Variants in INCA1 observed in about 807,000 individuals in gnomAD.
INCA1 encodes inhibitor of CDK, cyclin A1 interacting protein 1.
In INCA1, 28 loss-of-function variants were observed where a neutral mutation model predicts 25.7. The ratio of observed to expected loss-of-function variants is 1.09; its 90% CI spans 0.81 to 1.49. INCA1 has a LOEUF of 1.49. Among genes scored for constraint, INCA1 ranks in the 40% most tolerant of loss-of-function variants. INCA1 has a pLI of 0.00. For synonymous variants in INCA1, 111 were observed against 103.6 expected, an observed-to-expected ratio of 1.07 and a Z score of -0.43; for missense variants, 309 against 290.9, an observed-to-expected ratio of 1.06 and a Z score of -0.45.
At chr17:4,989,808 G>T (rs1018943902) in intron 4 of INCA1, 82 bp downstream of exon 4, 3 of 1,596,900 alleles carry the variant, frequency 1.9e-6, no homozygotes, top group Admixed American at 3.3e-5. Context: ...AGAGGGAAGC[G>T]GTAATAAGGA....
At chr17:4,988,582 A>G (rs1973541363) in intron 6 of INCA1, 28 bp from the exon 7 acceptor site, 2 of 1,607,962 alleles carry the variant, frequency 1.2e-6, no homozygotes, top group African/African-American at 1.3e-5. Context: ...ATTGAAAAAG[A>G]AAATGGAAAA....
At chr17:4,988,392 C>T (rs72838317) in exon 7 of INCA1, 173,155 of 1,582,960 alleles carry the variant, frequency 0.11, 10,336 homozygotes, top group Non-Finnish European at 0.12. Context: ...CTCTCGGCAT[C>T]GGTGGTTTCT....
chr17:4,989,368 A>G, intron 5 of INCA1, 60 bp downstream of exon 5: 1 of 1,514,950 alleles, frequency 6.6e-7, no homozygotes, highest in Non-Finnish European at 9.0e-7. Context: ...TCCTTAGCTC[A>G]AACTGTTCTG....
chr17:4,988,244 C>A, exon 7 of INCA1: 1 of 704,938 alleles, frequency 1.4e-6, no homozygotes. Flanking sequence ...AGATGGGAGC[C>A]CACGGGGGCT....
exon 3 of INCA1, chr17:4,990,201 G>C (rs777966661): frequency 6.2e-7 from 1 of 1,614,156 alleles, no homozygotes; most frequent in Admixed American, 1.7e-5. Context: ...TAACGCTGGG[G>C]CATGGGTCTG....
exon 5 of INCA1, chr17:4,989,478 A>G: frequency 6.2e-7 from 1 of 1,614,208 alleles, no homozygotes. Context: ...GGTAAGTGAC[A>G]GCCCTCACCC....
chr17:4,992,999 C>A (rs1775051977), intron 2 of INCA1, among the ~76,000 whole-genome samples: 2 of 152,122 alleles, frequency 1.3e-5, no homozygotes. Flanking sequence ...CCTGCCTCAG[C>A]CTCCTGAGTA....
At chr17:4,988,622 C>A in intron 6 of INCA1, 68 bp from the exon 7 acceptor site, 2 of 1,590,942 alleles carry the variant, frequency 1.3e-6, no homozygotes, top group South Asian at 1.1e-5. Context: ...TTCCTAGTAC[C>A]CAAGCTTAGG....
At chr17:4,990,388 T>C (rs1973791329) in intron 2 of INCA1, 123 bp from the exon 3 acceptor site, 2 of 1,115,274 alleles carry the variant, frequency 1.8e-6, no homozygotes, top group Non-Finnish European at 1.2e-6. Context: ...TCGGGCCATG[T>C]CCTCTCTTAA....
intron 2 of INCA1, among the ~76,000 whole-genome samples, chr17:4,993,387 C>G (rs1471162454): frequency 6.6e-6 from 1 of 151,738 alleles, no homozygotes; most frequent in African/African-American, 2.4e-5. Context: ...CCATGTTGGT[C>G]AGGCTGGTCT....
chr17:4,988,786 C>T, exon 6 of INCA1: 2 of 1,614,234 alleles, frequency 1.2e-6, no homozygotes, highest in South Asian at 1.1e-5. Flanking sequence ...TACCTGGGCC[C>T]TGCCAGGAGT....
At position 4,991,285 on chromosome 17, in the gene INCA1, G is replaced by C. The variant is rs1973858154; in HGVS notation, c.45-1020C>G. Among the ~76,000 whole-genome samples, 3 of 152,150 alleles carry C rather than the reference G, an allele frequency of 2.0e-5. No homozygotes were observed. In the South Asian group the frequency reaches 6.2e-4, roughly 32 times the overall value. ...TGCTTCAAAGCCATCCTAGGCCGCA[G>C]GTTGGACAAGCTTGCTTTATACCTC... is the stretch of plus-strand genomic sequence containing the variant. On this transcript the variant is annotated intron_variant, in intron 2 of 6. Coordinates refer to ENST00000576820, the Ensembl canonical transcript of INCA1.
upstream of INCA1, chr17:4,997,414 C>CA (rs1354586728): frequency 6.6e-6 from 1 of 152,296 alleles, no homozygotes; most frequent in Non-Finnish European, 1.5e-5. Flanking sequence ...AGGCGGCGTC[C>CA]AGGGCGGCCG....
In INCA1 at chr17:4,992,162, G is replaced by T. The variant is rs895106211; in HGVS notation, c.45-1897C>A. On this transcript the variant is annotated intron_variant, in intron 2 of 6. Transcript: ENST00000576820. ...ACTGAAAAGGGTACATGGGGTTCAT[G>T]ATACTATTTTCTCTACTGTGTTTGT... Among the ~76,000 whole-genome samples the T allele has an allele frequency of 1.9e-4, 29 of 152,204 alleles. 1 individual carries two copies. Among genetic ancestry groups the T allele is most frequent in the Admixed American group, 1.1e-3 (17 of 15,278 alleles).
intron 1 of INCA1, among the ~76,000 whole-genome samples, chr17:4,996,095 G>A (rs1212228633): frequency 6.6e-6 from 1 of 151,028 alleles, no homozygotes; most frequent in Non-Finnish European, 1.5e-5. Context: ...GGGAGAAAGG[G>A]CAGTTAAGGC....
exon 2 of INCA1, chr17:4,994,399 A>G: frequency 1.2e-6 from 2 of 1,613,866 alleles, no homozygotes; most frequent in East Asian, 2.2e-5. Context: ...CTCACTTGGC[A>G]AAGGGGATGA....
At chr17:4,990,816 G>A (rs113055021) in intron 2 of INCA1, among the ~76,000 whole-genome samples, 18,242 of 150,406 alleles carry the variant, frequency 0.12, 2,360 homozygotes, top group African/African-American at 0.32. Context: ...CCGGGAGGAG[G>A]AGGTTGCAGT....
At position 4,990,380 on chromosome 17, in the gene INCA1, G is replaced by T; in HGVS notation, c.45-115C>A. On this transcript the variant is annotated intron_variant, in intron 2 of 6. Coordinates refer to ENST00000576820, the Ensembl canonical transcript of INCA1. ...ACTATAAAGCTGCCCAGGTTCCCTC[G>T]GGCCATGTCCTCTCTTAACCACTTT... 15 of 1,207,472 alleles carry T rather than the reference G, an allele frequency of 1.2e-5. No individual in the cohort carries two copies. The South Asian group carries it at 2.1e-4, about 17-fold the overall frequency. The allele number at this position is 1,207,472 out of a possible 1,614,324, so 74.8% of individuals were successfully genotyped here. A position where few individuals can be genotyped will look rare whatever the true frequency, so the allele number is the denominator to read the frequency against.
chr17:4,989,048 G>A (rs1973604263), intron 5 of INCA1, 104 bp from the exon 6 acceptor site: 10 of 1,272,392 alleles, frequency 7.9e-6, no homozygotes, highest in Non-Finnish European at 1.1e-5. Flanking sequence ...GGGACTCCAG[G>A]GAGTTGTCAT....
Sources: gnomAD v4.1 joint callset for allele counts (sites outside exome capture counted in the v4.1 genomes callset) on GRCh38, gnomAD v4.1.1 for gene constraint, MANE v1.5 for transcripts, NCBI Gene and HGNC (gene_info 2026-07-23, HGNC 2026-07-21) for gene names.